Variants in DCAF16 observed in about 807,000 individuals in gnomAD.
The protein encoded by DCAF16 is DDB1 and CUL4 associated factor 16, also known as DDB1- and CUL4-associated factor 16.
A neutral mutation model predicts 17.3 loss-of-function variants in DCAF16; 10 were observed. The ratio of observed to expected loss-of-function variants is 0.58; its 90% confidence interval spans 0.36 to 0.98. The LOEUF is 0.98. Among genes scored for constraint, DCAF16 ranks in the 50% least tolerant of loss-of-function variants. DCAF16 has a pLI of 0.01. For synonymous variants in DCAF16, 111 were observed against 92.8 expected, an observed-to-expected ratio of 1.20 and a Z score of -1.12; for missense variants, 249 against 247.6, an observed-to-expected ratio of 1.01 and a Z score of -0.04.
At chr4:17,807,487 G>A (rs1030123149) in intron 1 of DCAF16, among the ~76,000 whole-genome samples, 1 of 152,176 alleles carries the variant, frequency 6.6e-6, no homozygotes, top group Non-Finnish European at 1.5e-5. Context: ...ATTGCAGAGT[G>A]GAGTAACTGT....
In DCAF16 at chr4:17,803,568, T is replaced by A. The variant is rs1719997061; in HGVS notation, c.574A>T (p.Thr192Ser). ...LTKTVKETTR[T>S]EPINTTYSYT... ...GAATAAGTAGTGTTGATGGGTTCAGTACGAGTTGTTTCCTTAACTGTTTTA... is the reference window on the plus strand; with the variant it reads ...GAATAAGTAGTGTTGATGGGTTCAGAACGAGTTGTTTCCTTAACTGTTTTA... Residue 192 changes from threonine (T) to serine (S), a missense_variant, in exon 3 of 3, where the codon ACT (threonine) becomes TCT (serine). By Grantham distance (58) the Thr-to-Ser change is moderately conservative (BLOSUM62 1). Transcript: ENST00000382247. 1 of 1,614,208 alleles carries A rather than the reference T, an allele frequency of 6.2e-7. No individual in the cohort carries two copies. The highest frequency in any genetic ancestry group is 8.5e-7 in the Non-Finnish European group (1 of 1,180,012).
chr4:17,799,339 T>C (rs888954303), downstream of DCAF16, among the ~76,000 whole-genome samples: 1 of 152,220 alleles, frequency 6.6e-6, no homozygotes, highest in South Asian at 2.1e-4. Context: ...AATATGACCC[T>C]AGACAGCAGA....
chr4:17,804,915 C>T (rs1456406963), intron 2 of DCAF16, 144 bp from the exon 3 acceptor site: 2 of 155,364 alleles, frequency 1.3e-5, no homozygotes, highest in African/African-American at 2.4e-5. Context: ...GCCAATTTAC[C>T]TGTTGGTAAT....
chr4:17,805,833 T>C (rs951513528), intron 1 of DCAF16, among the ~76,000 whole-genome samples: 1 of 152,118 alleles, frequency 6.6e-6, no homozygotes, highest in Admixed American at 6.5e-5. Flanking sequence ...GGCGTGGTGG[T>C]GTGTGCCTTT....
At position 17,803,725 on chromosome 4, in the gene DCAF16, G is replaced by A; in HGVS notation, c.417C>T (p.Ala139=). The change falls in exon 3 of 3, where the codon GCC becomes GCT. Residue 139 remains alanine (A), a synonymous_variant. Transcript: ENST00000382247. ...CAAATTGCAGTGCTCCATTTAGAGT[G>A]GCATGATCTCTAGAGAGCCGGCTGG... ...TSPSRLSRDH[A]TLNGALQFAT... is the part of the protein sequence containing the mutation. 6.2e-7 allele frequency: 1 copy of A among 1,614,192 alleles called. No homozygotes were observed.
chr4:17,800,544 T>C (rs909045525), downstream of DCAF16: 5 of 152,556 alleles, frequency 3.3e-5, no homozygotes, highest in East Asian at 9.6e-4. Flanking sequence ...ACATACTATA[T>C]AGATTCAGGT....
chr4:17,793,649 AAACT>A, the DCAF16 span, among the ~76,000 whole-genome samples: 1 of 152,192 alleles, frequency 6.6e-6, no homozygotes, highest in Non-Finnish European at 1.5e-5. Context: ...AGAACAACCA[AAACT>A]AACAGATCTT....
intron 1 of DCAF16, among the ~76,000 whole-genome samples, chr4:17,810,087 G>A (rs529032897): frequency 1.4e-4 from 21 of 152,176 alleles, no homozygotes; most frequent in African/African-American, 5.1e-4. Context: ...ATATTGTAGG[G>A]TGGCATATTT....
In DCAF16 at chr4:17,801,129, TCCTAA is replaced by T. The variant is rs1719730782; in HGVS notation, c.*2357_*2361del. 6.6e-6 allele frequency: 1 copy of T among 152,002 alleles called. No individual in the cohort carries two copies. Among genetic ancestry groups the T allele is most frequent in the Non-Finnish European group, 1.5e-5 (1 of 68,028 alleles). 9.4% of individuals were successfully genotyped at this position (152,002 alleles called of 1,614,324 possible). ...GCTATATATTTACACAATTTGTGAT[TCCTAA>T]CCTTTTTTTTTTTTGAGACGGTGTC... On this transcript the variant is annotated 3_prime_UTR_variant, in exon 3 of 3. Coordinates refer to ENST00000382247, the MANE Select transcript of DCAF16 (RefSeq NM_017741.4).
At chr4:17,806,086 T>C (rs768571520) in intron 1 of DCAF16, among the ~76,000 whole-genome samples, 1 of 152,210 alleles carries the variant, frequency 6.6e-6, no homozygotes, top group Non-Finnish European at 1.5e-5. Flanking sequence ...TGGAAAAAGA[T>C]ACGTTAAGAA....
At chr4:17,800,368 A>G (rs889841872), downstream of DCAF16, among the ~76,000 whole-genome samples, 1 of 152,214 alleles carries the variant, frequency 6.6e-6, no homozygotes, top group Non-Finnish European at 1.5e-5. Flanking sequence ...TTTATGCCAC[A>G]CAAAAAGTTA....
At chr4:17,805,528 C>T (rs1362068695) in intron 1 of DCAF16, among the ~76,000 whole-genome samples, 3 of 152,140 alleles carry the variant, frequency 2.0e-5, no homozygotes, top group Admixed American at 6.5e-5. Context: ...TTCCTGACCA[C>T]CATGTATTTA....
Position 17,803,603 on chromosome 4 carries a change from C to A in DCAF16, c.539G>T (p.Gly180Val). Residue 180 changes from glycine to valine, a missense_variant, in exon 3 of 3, where the codon GGC becomes GTC. By Grantham distance (109) the Gly-to-Val change is moderately radical (BLOSUM62 -3). Transcript: ENST00000382247. ...TTCCTTAACTGTTTTAGTCAGCCAG[C>A]CACAGCAACACCCAGAAACACATGA... ...PNSCVSGCCCGWLTKTVKETT... is the reference protein window; with the variant it reads ...PNSCVSGCCCVWLTKTVKETT... The A allele has an allele frequency of 1.2e-6, 2 of 1,614,186 alleles. No homozygotes were observed. The highest frequency in any genetic ancestry group is 1.7e-6 in the Non-Finnish European group (2 of 1,180,038).
At chr4:17,797,842 TCAGCTGATACATTGGAGTGTCAGGTGCCA>T (rs1719496946), downstream of DCAF16, among the ~76,000 whole-genome samples, 1 of 152,140 alleles carries the variant, frequency 6.6e-6, no homozygotes, top group South Asian at 2.1e-4. Flanking sequence ...ACCAAAACCA[TCAGCTGATACATTGGAGTGTCAGGTGCCA>T]CAGCTGATAC....
chr4:17,804,435 T>C lies in DCAF16; in HGVS notation c.-294A>G. 2.7e-6 allele frequency: 1 copy of C among 374,286 alleles called. No individual in the cohort carries two copies. Among genetic ancestry groups the C allele is most frequent in the Non-Finnish European group, 5.1e-6 (1 of 196,748 alleles). The allele number at this position is 374,286 out of a possible 1,614,324, so 23.2% of individuals were successfully genotyped here. On this transcript the variant is annotated 5_prime_UTR_variant, in exon 3 of 3. Coordinates refer to ENST00000382247, the MANE Select transcript of DCAF16 (RefSeq NM_017741.4). ...CACAGGTCAGAGTATCTCCTTCAAA[T>C]CCTGGCTACCCAAGAATAGAAGGGG...
the DCAF16 span, among the ~76,000 whole-genome samples, chr4:17,794,798 A>G: frequency 6.6e-6 from 1 of 152,210 alleles, no homozygotes; most frequent in Non-Finnish European, 1.5e-5. Context: ...TAAAAAACTG[A>G]TTACTAAATA....
At chr4:17,798,310 CTTT>C (rs61478198), downstream of DCAF16, among the ~76,000 whole-genome samples, 170 of 131,218 alleles carry the variant, frequency 1.3e-3, no homozygotes, top group Middle Eastern at 4.0e-3. Context: ...TGTTATTTTC[CTTT>C]TTTTTTTTTT....
chr4:17,799,078 T>G (rs1007480983), downstream of DCAF16, among the ~76,000 whole-genome samples: 2 of 152,224 alleles, frequency 1.3e-5, no homozygotes, highest in Admixed American at 6.5e-5. Flanking sequence ...AAAACACTTT[T>G]GGCCCTGATC....
chr4:17,797,421 C>A (rs1719478263), downstream of DCAF16, among the ~76,000 whole-genome samples: 1 of 152,056 alleles, frequency 6.6e-6, no homozygotes, highest in East Asian at 1.9e-4. Context: ...AAACGTGTCC[C>A]AAGTAGGATG....
Sources: gnomAD v4.1 joint callset for allele counts (sites outside exome capture counted in the v4.1 genomes callset) on GRCh38, gnomAD v4.1.1 for gene constraint, MANE v1.5 for transcripts, NCBI Gene and HGNC (gene_info 2026-07-23, HGNC 2026-07-21) for gene names.